LRRC8D: variants seen among roughly 807,000 people sequenced by gnomAD.
LRRC8D encodes the protein volume-regulated anion channel subunit LRRC8D.
Under a neutral mutation model 55.8 loss-of-function variants are expected in LRRC8D, and 20 were observed. The observed-to-expected ratio is 0.36, with a 90% CI of 0.25 to 0.52. LRRC8D has a LOEUF of 0.52. LRRC8D is among the 20% of genes least tolerant of loss of function. The pLI, the probability that LRRC8D is intolerant of heterozygous loss-of-function variation, is 0.93. For missense variants in LRRC8D, 651 were observed against 1,030.8 expected (o/e 0.63, Z 5.05); for synonymous variants, 352 against 377.0 (o/e 0.93, Z 0.77).
intron 1 of LRRC8D, among the ~76,000 whole-genome samples, chr1:89,828,094 C>T (rs776471296): frequency 1.2e-4 from 18 of 152,170 alleles, no homozygotes; most frequent in Non-Finnish European, 2.2e-4. Context: ...TAGTTGTGCA[C>T]GAAGGCTGGG....
At chr1:89,857,268 A>G (rs1227684402) in intron 2 of LRRC8D, among the ~76,000 whole-genome samples, 1 of 151,068 alleles carries the variant, frequency 6.6e-6, no homozygotes, top group African/African-American at 2.4e-5. Flanking sequence ...CTGTAATCCC[A>G]GTTACTTGGA....
chr1:89,868,390 G>C (rs1661906221), intron 2 of LRRC8D, among the ~76,000 whole-genome samples: 1 of 152,082 alleles, frequency 6.6e-6, no homozygotes, highest in African/African-American at 2.4e-5. Flanking sequence ...AAGCTACTGG[G>C]CTCCTTCAGA....
chr1:89,930,455 G>C (rs779127860), intron 2 of LRRC8D, among the ~76,000 whole-genome samples: 3 of 152,050 alleles, frequency 2.0e-5, no homozygotes, highest in Non-Finnish European at 4.4e-5. Flanking sequence ...GCCTCCCAAA[G>C]TGCTGGGATT....
chr1:89,893,913 T>C (rs1662639209), intron 2 of LRRC8D, among the ~76,000 whole-genome samples: 1 of 152,268 alleles, frequency 6.6e-6, no homozygotes, highest in African/African-American at 2.4e-5. Flanking sequence ...TAAAATGTGC[T>C]AAACCCTTAC....
At chr1:89,871,590 A>G (rs1184842828) in intron 2 of LRRC8D, among the ~76,000 whole-genome samples, 3 of 152,162 alleles carry the variant, frequency 2.0e-5, no homozygotes, top group South Asian at 4.1e-4. Flanking sequence ...ACGGTAATAG[A>G]TGTCCATTTT....
intron 2 of LRRC8D, among the ~76,000 whole-genome samples, chr1:89,921,840 G>T (rs755637496): frequency 6.6e-6 from 1 of 151,990 alleles, no homozygotes; most frequent in East Asian, 1.9e-4. Flanking sequence ...CACTGCACCC[G>T]GCCAACTTTT....
chr1:89,823,218 A>G (rs887429983), intron 1 of LRRC8D, among the ~76,000 whole-genome samples: 3 of 152,238 alleles, frequency 2.0e-5, no homozygotes, highest in Admixed American at 2.0e-4. Flanking sequence ...TACCATGTGG[A>G]GTAGCATATG....
chr1:89,841,398 C>CT (rs1324892821), intron 1 of LRRC8D, among the ~76,000 whole-genome samples: 2 of 150,070 alleles, frequency 1.3e-5, no homozygotes, highest in African/African-American at 2.5e-5. Context: ...TCAAGACCAC[C>CT]CCCCCCCTTT....
At chr1:89,855,009 G>A (rs112538964) in intron 2 of LRRC8D, among the ~76,000 whole-genome samples, 17 of 152,142 alleles carry the variant, frequency 1.1e-4, no homozygotes, top group African/African-American at 3.4e-4. Flanking sequence ...TAATTTAGTC[G>A]TTTCATAAGA....
chr1:89,885,062 C>T (rs1323466530), intron 2 of LRRC8D, among the ~76,000 whole-genome samples: 1 of 152,170 alleles, frequency 6.6e-6, no homozygotes, highest in Non-Finnish European at 1.5e-5. Context: ...CATGGTATGA[C>T]TATACATTCT....
chr1:89,906,053 G>C (rs1458352756), intron 2 of LRRC8D, among the ~76,000 whole-genome samples: 1 of 152,156 alleles, frequency 6.6e-6, no homozygotes, highest in Non-Finnish European at 1.5e-5. Flanking sequence ...TTTAGCTAAG[G>C]CTGTAAATGC....
intron 1 of LRRC8D, among the ~76,000 whole-genome samples, chr1:89,839,340 T>C (rs1184831907): frequency 1.3e-5 from 2 of 152,194 alleles, no homozygotes; most frequent in Non-Finnish European, 2.9e-5. Context: ...ATTGGAGCAC[T>C]GAGCTTAGAG....
At chr1:89,827,203 T>A (rs937203274) in intron 1 of LRRC8D, among the ~76,000 whole-genome samples, 3 of 151,820 alleles carry the variant, frequency 2.0e-5, no homozygotes, top group African/African-American at 7.3e-5. Flanking sequence ...ATAAAAAAAT[T>A]AGCCAGATGT....
intron 2 of LRRC8D, among the ~76,000 whole-genome samples, chr1:89,915,215 G>C (rs1431892623): frequency 6.6e-6 from 1 of 152,172 alleles, no homozygotes; most frequent in Non-Finnish European, 1.5e-5. Context: ...ATACCTAACA[G>C]AGTGTAGCGT....
chr1:89,856,978 T>C lies in LRRC8D; in HGVS notation c.-3+13196T>C, dbSNP rs1158418542. On this transcript the variant is annotated intron_variant, in intron 2 of 2. Coordinates refer to ENST00000337338, the MANE Select transcript of LRRC8D (RefSeq NM_001134479.2). ...TTTCTTTTTAAAAAGGTTTTAGTGA[T>C]TACCCTAGAGTTTATAATTGATTTT... Among the ~76,000 whole-genome samples the C allele has an allele frequency of 2.0e-5, 3 of 152,324 alleles. No homozygotes were observed. In the East Asian group the frequency reaches 5.8e-4, roughly 29 times the overall value.
intron 2 of LRRC8D, among the ~76,000 whole-genome samples, chr1:89,860,756 CAAAAAA>C (rs1181859656): frequency 1.1e-4 from 2 of 18,842 alleles, no homozygotes; most frequent in African/African-American, 2.3e-4. Flanking sequence ...GACTCTATCT[CAAAAAA>C]AAAAAAAAAA....
At chr1:89,835,248 G>A (rs1660977620) in intron 1 of LRRC8D, among the ~76,000 whole-genome samples, 1 of 152,140 alleles carries the variant, frequency 6.6e-6, no homozygotes, top group Non-Finnish European at 1.5e-5. Flanking sequence ...GGTTCTAGAG[G>A]GCATTGGGGC....
intron 2 of LRRC8D, among the ~76,000 whole-genome samples, chr1:89,866,700 C>T (rs1321096020): frequency 6.6e-6 from 1 of 152,136 alleles, no homozygotes; most frequent in Admixed American, 6.5e-5. Context: ...TCTGGTCTCA[C>T]GAAGGCCCGA....
chr1:89,880,199 G>A (rs1052712659), intron 2 of LRRC8D, among the ~76,000 whole-genome samples: 3 of 150,504 alleles, frequency 2.0e-5, no homozygotes, highest in Non-Finnish European at 4.4e-5. Context: ...GTAGTCTCGT[G>A]TAGCTGACTA....
Sources: allele counts gnomAD v4.1 joint callset (sites outside exome capture counted in the v4.1 genomes callset), GRCh38; gene constraint gnomAD v4.1.1; transcripts MANE v1.5; gene names NCBI Gene and HGNC (gene_info 2026-07-23, HGNC 2026-07-21).